ZFHX3: variants seen among roughly 807,000 people sequenced by gnomAD.
ZFHX3 encodes zinc finger homeobox protein 3.
In ZFHX3, 42 loss-of-function variants were observed where a neutral mutation model predicts 279.1. That is an observed-to-expected ratio of 0.15 (90% CI 0.12 to 0.19). The LOEUF (loss-of-function observed/expected upper bound fraction) is 0.19, where lower values mean the gene tolerates loss of function less well. Among genes scored for constraint, ZFHX3 ranks in the 10% least tolerant of loss-of-function variants. The probability of loss-of-function intolerance (pLI) is 1.00; values close to 1 mark genes in which losing one functional copy is unlikely to be tolerated. For synonymous variants in ZFHX3, 2,293 were observed against 1,957.8 expected, an observed-to-expected ratio of 1.17 and a Z score of -4.52; for missense variants, 4,981 against 4,754.0, an observed-to-expected ratio of 1.05 and a Z score of -1.40.
intron 1 of ZFHX3, among the ~76,000 whole-genome samples, chr16:73,878,081 G>A (rs925134407): frequency 1.1e-4 from 17 of 151,870 alleles, no homozygotes; most frequent in Non-Finnish European, 1.9e-4. Context: ...CTTAAAGTGA[G>A]GGACCCTCAT....
chr16:72,849,065 G>A (rs1253151545), intron 4 of ZFHX3, among the ~76,000 whole-genome samples: 1 of 152,066 alleles, frequency 6.6e-6, no homozygotes, highest in East Asian at 1.9e-4. Flanking sequence ...TCCTAATGAA[G>A]CCCGGGGGTG....
chr16:73,541,878 C>T lies in ZFHX3; in HGVS notation c.-1546-85620G>A, dbSNP rs538270102. The stretch of plus-strand genomic sequence containing the variant: ...AGTGCAGTGGCACATCTAGGTTCAC[C>T]GCAACCTCTGCCTCCTGGGTTAAAG... On this transcript the variant is annotated intron_variant, in intron 2 of 17. Transcript: ENST00000641206. Among the ~76,000 whole-genome samples, 207 of 149,428 alleles carry T rather than the reference C, an allele frequency of 1.4e-3. 2 individuals carry two copies. Among genetic ancestry groups the T allele is most frequent in the African/African-American group, 5.0e-3 (202 of 40,410 alleles).
intron 5 of ZFHX3, among the ~76,000 whole-genome samples, chr16:72,815,908 T>C (rs1034003902): frequency 6.6e-6 from 1 of 152,226 alleles, no homozygotes; most frequent in African/African-American, 2.4e-5. Flanking sequence ...AATCTAGATA[T>C]CTTACAATAG....
At chr16:73,653,307 G>C (rs765229316) in intron 2 of ZFHX3, among the ~76,000 whole-genome samples, 1 of 152,100 alleles carries the variant, frequency 6.6e-6, no homozygotes, top group Non-Finnish European at 1.5e-5. Context: ...AGTACACACA[G>C]AACACTTACA....
In ZFHX3 at chr16:72,957,822, G is replaced by GCCC. The variant is rs1567604744; in HGVS notation, c.2323_2324insGGG (p.Ala774_Ala775insGly). The GCCC allele has an allele frequency of 1.2e-6, 2 of 1,605,564 alleles. No individual in the cohort carries two copies. Among genetic ancestry groups the GCCC allele is most frequent in the African/African-American group, 2.7e-5 (2 of 74,824 alleles). On this transcript the variant is annotated inframe_insertion, in exon 2 of 10. Transcript: ENST00000268489. ...TGCCGCCGCCGCCGCAGCCACCGCC[G>GCCC]CCGCCGCCGCCCCGGCAGTGTGGCT...
chr16:73,079,491 A>C (rs1172355097), intron 8 of ZFHX3, among the ~76,000 whole-genome samples: 2 of 152,152 alleles, frequency 1.3e-5, no homozygotes, highest in Non-Finnish European at 2.9e-5. Flanking sequence ...TGTCTCCAAA[A>C]AAAACCAATT....
chr16:73,091,863 T>C (rs1966087747), intron 8 of ZFHX3, among the ~76,000 whole-genome samples: 1 of 152,212 alleles, frequency 6.6e-6, no homozygotes, highest in African/African-American at 2.4e-5. Context: ...ATAGGTCTCT[T>C]CTACTTTCCC....
At chr16:73,829,268 G>A in intron 1 of ZFHX3, among the ~76,000 whole-genome samples, 2 of 105,024 alleles carry the variant, frequency 1.9e-5, no homozygotes, top group Non-Finnish European at 3.4e-5. Context: ...GCTCCTTTAA[G>A]CACTTCTCTG....
At chr16:72,823,360 G>A (rs1479312010) in intron 5 of ZFHX3, among the ~76,000 whole-genome samples, 4 of 152,304 alleles carry the variant, frequency 2.6e-5, no homozygotes, top group African/African-American at 9.6e-5. Context: ...TAGAGGTATG[G>A]TGGTGGTGTT....
intron 2 of ZFHX3, among the ~76,000 whole-genome samples, chr16:73,562,705 A>G (rs2020389309): frequency 6.7e-6 from 1 of 150,050 alleles, no homozygotes; most frequent in Admixed American, 6.7e-5. Flanking sequence ...TTAAAATGAC[A>G]TTGAGAGGGT....
chr16:73,624,524 G>C (rs2052397469), intron 2 of ZFHX3, among the ~76,000 whole-genome samples: 1 of 151,540 alleles, frequency 6.6e-6, no homozygotes, highest in South Asian at 2.1e-4. Context: ...CCCTAAGCTA[G>C]AACCATCAAC....
chr16:72,886,211 C>A (rs2038617171), intron 4 of ZFHX3, among the ~76,000 whole-genome samples: 1 of 152,130 alleles, frequency 6.6e-6, no homozygotes. Context: ...TACTTTGTCC[C>A]TTTTGTCATC....
At chr16:73,551,272 A>G (rs1158672345) in intron 2 of ZFHX3, among the ~76,000 whole-genome samples, 1 of 152,194 alleles carries the variant, frequency 6.6e-6, no homozygotes, top group Non-Finnish European at 1.5e-5. Context: ...CCCACACTCA[A>G]AAACTCAGTT....
chr16:73,087,696 T>C (rs1217508823), intron 8 of ZFHX3, among the ~76,000 whole-genome samples: 1 of 152,208 alleles, frequency 6.6e-6, no homozygotes, highest in Non-Finnish European at 1.5e-5. Context: ...GTTTGGGCTC[T>C]TTCCAGGAGT....
intron 1 of ZFHX3, among the ~76,000 whole-genome samples, chr16:73,771,647 TC>T (rs139911731): frequency 0.098 from 14,897 of 152,216 alleles, 866 homozygotes; most frequent in Non-Finnish European, 0.14. Context: ...AGTCTGATGT[TC>T]CTTTCATTTC....
At chr16:73,643,154 C>T (rs2052588686) in intron 2 of ZFHX3, among the ~76,000 whole-genome samples, 1 of 152,174 alleles carries the variant, frequency 6.6e-6, no homozygotes, top group Admixed American at 6.5e-5. Flanking sequence ...TTAGGCAAAA[C>T]AGTTTGAAGT....
chr16:73,054,365 C>G (rs1250557113), intron 1 of ZFHX3, among the ~76,000 whole-genome samples: 2 of 151,270 alleles, frequency 1.3e-5, no homozygotes, highest in Non-Finnish European at 1.5e-5. Context: ...TCCCCTCCCC[C>G]ACACCCGCCC....
chr16:73,084,787 T>C (rs762759740), intron 8 of ZFHX3, among the ~76,000 whole-genome samples: 8 of 152,156 alleles, frequency 5.3e-5, no homozygotes, highest in Non-Finnish European at 1.2e-4. Flanking sequence ...CCCAAAATGC[T>C]GGGATGACAG....
At chr16:72,879,653 T>C (rs982816666) in intron 4 of ZFHX3, among the ~76,000 whole-genome samples, 47 of 152,108 alleles carry the variant, frequency 3.1e-4, no homozygotes, top group Non-Finnish European at 1.0e-4. Context: ...CTCCAATACC[T>C]GAGCTCTAGT....
Sources: allele counts gnomAD v4.1 joint callset (sites outside exome capture counted in the v4.1 genomes callset), GRCh38; gene constraint gnomAD v4.1.1; transcripts MANE v1.5; gene names NCBI Gene and HGNC (gene_info 2026-07-23, HGNC 2026-07-21).